PRKDC: variants seen among roughly 807,000 people sequenced by gnomAD.
The protein encoded by PRKDC is DNA-dependent protein kinase catalytic subunit.
PRKDC carries 82 observed loss-of-function variants against 486.9 expected under a neutral mutation model. The ratio of observed to expected loss-of-function variants is 0.17; its 90% CI spans 0.14 to 0.20. The LOEUF (loss-of-function observed/expected upper bound fraction) is 0.20. Ranked by LOEUF, PRKDC falls within the 10% of genes least tolerant of loss-of-function variation. The pLI, the probability that PRKDC is intolerant of heterozygous loss-of-function variation, is 1.00. For synonymous variants in PRKDC, 1,895 were observed against 1,837.0 expected, an observed-to-expected ratio of 1.03 and a Z score of -0.81; for missense variants, 4,504 against 5,038.2, an observed-to-expected ratio of 0.89 and a Z score of 3.21.
intron 40 of PRKDC, among the ~76,000 whole-genome samples, chr8:47,873,651 C>T (rs572565507): frequency 1.3e-5 from 2 of 152,260 alleles, no homozygotes; most frequent in African/African-American, 4.8e-5. Context: ...AGAAAATATA[C>T]ACAGTGGAGT....
At position 47,912,507 on chromosome 8, in the gene PRKDC, G is replaced by C; in HGVS notation, c.2837C>G (p.Thr946Arg). 1 of 1,612,496 alleles carries C rather than the reference G, an allele frequency of 6.2e-7. No individual in the cohort carries two copies. The highest frequency in any genetic ancestry group is 8.5e-7 in the Non-Finnish European group (1 of 1,179,106). ...TCCCTGTCCCCCTTCTGGCATCTGC[G>C]TGGCTTTGCCCAACATAAACATAAC... ...SMVMFMLGKA[T>R]QMPEGGQGAP... is the part of the protein sequence containing the mutation. The change falls in exon 25 of 86, where the codon ACG (threonine) becomes AGG (arginine). Residue 946 changes from threonine (T) to arginine (R), a missense_variant. By Grantham distance (71) the Thr-to-Arg change is moderately conservative (BLOSUM62 -1). Transcript: ENST00000314191.
chr8:47,778,893 A>T, intron 81 of PRKDC, 94 bp from the exon 82 acceptor site: 2 of 1,461,586 alleles, frequency 1.4e-6, no homozygotes, highest in Non-Finnish European at 1.9e-6. Context: ...AGACTCAAAT[A>T]TCGAATAATC....
chr8:47,884,677 A>G (rs969378143), intron 36 of PRKDC, among the ~76,000 whole-genome samples: 4 of 152,210 alleles, frequency 2.6e-5, no homozygotes, highest in Non-Finnish European at 4.4e-5. Context: ...ATCTACCACA[A>G]AAGATTCCCC....
chr8:47,854,247 CTG>C (rs1277278630), intron 50 of PRKDC, 33 bp from the exon 51 acceptor site: 2 of 1,606,038 alleles, frequency 1.2e-6, no homozygotes, highest in Non-Finnish European at 1.7e-6. Context: ...AAAATTGAGA[CTG>C]TTGCATAATC....
intron 59 of PRKDC, among the ~76,000 whole-genome samples, chr8:47,832,545 T>C (rs1199252890): frequency 6.6e-6 from 1 of 151,850 alleles, no homozygotes; most frequent in Non-Finnish European, 1.5e-5. Flanking sequence ...GTTCAGAGCA[T>C]GAAAAAAAGC....
At position 47,959,571 on chromosome 8, in the gene PRKDC, CG is replaced by C. The variant is rs1235361761; in HGVS notation, c.154+401del. Among the ~76,000 whole-genome samples the C allele has an allele frequency of 5.9e-5, 9 of 151,676 alleles. No homozygotes were observed. The East Asian group carries it at 1.8e-3, about 30-fold the overall frequency. On this transcript the variant is annotated intron_variant, in intron 1 of 85. Transcript: ENST00000314191. ...GCGCGCGCCTGTAATCCCAGCTACTCGGGGGGCTGAGGCAGGAGAATAGCTT... is the reference window on the plus strand; with the variant it reads ...GCGCGCGCCTGTAATCCCAGCTACTCGGGGGCTGAGGCAGGAGAATAGCTT...
intron 45 of PRKDC, among the ~76,000 whole-genome samples, chr8:47,860,363 C>G (rs1355500887): frequency 2.0e-5 from 3 of 152,142 alleles, no homozygotes; most frequent in African/African-American, 7.2e-5. Flanking sequence ...GTGCACACGA[C>G]CTAGGGCAAA....
chr8:47,864,431 C>A, intron 41 of PRKDC, 125 bp downstream of exon 41: 1 of 833,452 alleles, frequency 1.2e-6, no homozygotes. Context: ...CCCATGTAGC[C>A]ACAGACTGTT....
chr8:47,882,979 C>A (rs1474981219), intron 36 of PRKDC, among the ~76,000 whole-genome samples: 1 of 152,230 alleles, frequency 6.6e-6, no homozygotes, highest in African/African-American at 2.4e-5. Flanking sequence ...TCTTGATCTG[C>A]AATGCTGGTG....
chr8:47,898,793 T>C (rs1490138243), intron 28 of PRKDC, among the ~76,000 whole-genome samples: 5 of 152,202 alleles, frequency 3.3e-5, no homozygotes, highest in Non-Finnish European at 5.9e-5. Context: ...GATAGCATGG[T>C]GCGTGCACGC....
In PRKDC at chr8:47,888,586, C is replaced by G. The variant is rs1449271900; in HGVS notation, c.4345G>C (p.Ala1449Pro). Residue 1449 changes from alanine to proline, a missense_variant, in exon 34 of 86, where the codon GCT (alanine) becomes CCT (proline). Physicochemically the swap from Ala to Pro is conservative, Grantham distance 27 (BLOSUM62 -1). Around this residue, in one of 6 missense-constraint regions of PRKDC, gnomAD observed 1,969 missense variants for 2,068.9 expected, o/e 0.95. Coordinates refer to ENST00000314191, the MANE Select transcript of PRKDC (RefSeq NM_006904.7). ...PDAQVDRSRL[A>P]AVVSACKQLH... ...TGTTTACAGGCAGACACAACAGCAG[C>G]CAGCCTGCTCCTGTCCACTTGCGCG... The G allele has an allele frequency of 6.3e-7, 1 of 1,589,650 alleles. No homozygotes were observed.
At chr8:47,801,213 A>G (rs2087102000) in intron 70 of PRKDC, among the ~76,000 whole-genome samples, 1 of 152,098 alleles carries the variant, frequency 6.6e-6, no homozygotes, top group Admixed American at 6.6e-5. Flanking sequence ...CTGGGACTAC[A>G]GGCTTGCACC....
intron 40 of PRKDC, among the ~76,000 whole-genome samples, chr8:47,877,452 T>G (rs781662186): frequency 4.6e-5 from 7 of 152,128 alleles, no homozygotes; most frequent in Non-Finnish European, 7.4e-5. Flanking sequence ...ACAATAGCAG[T>G]AGCAAAAAAG....
chr8:47,930,551 C>T (rs1310001647), intron 17 of PRKDC, 121 bp downstream of exon 17: 5 of 965,946 alleles, frequency 5.2e-6, no homozygotes, highest in Non-Finnish European at 4.5e-6. Context: ...GGATTACAGG[C>T]GTGAGCCACC....
intron 54 of PRKDC, among the ~76,000 whole-genome samples, chr8:47,840,998 C>G (rs1268472964): frequency 6.6e-6 from 1 of 152,212 alleles, no homozygotes; most frequent in Non-Finnish European, 1.5e-5. Context: ...AGAGGCAACA[C>G]AGACACTGAG....
At chr8:47,826,910 C>A in intron 62 of PRKDC, 49 bp from the exon 63 acceptor site, 2 of 1,488,424 alleles carry the variant, frequency 1.3e-6, no homozygotes, top group East Asian at 2.5e-5. Flanking sequence ...GTACTTGGAC[C>A]ATGTCTTCAC....
intron 21 of PRKDC, among the ~76,000 whole-genome samples, chr8:47,919,729 T>C (rs1427951675): frequency 6.6e-6 from 1 of 152,008 alleles, no homozygotes; most frequent in East Asian, 1.9e-4. Flanking sequence ...AGTGGTTTTT[T>C]TTTTTTTTTT....
intron 58 of PRKDC, among the ~76,000 whole-genome samples, chr8:47,835,313 C>T (rs2087989577): frequency 6.6e-6 from 1 of 152,110 alleles, no homozygotes; most frequent in African/African-American, 2.4e-5. Flanking sequence ...CATACATATA[C>T]TGAAACTTTC....
At chr8:47,928,154 C>CTT (rs375267637) in intron 19 of PRKDC, among the ~76,000 whole-genome samples, 109 of 130,950 alleles carry the variant, frequency 8.3e-4, no homozygotes, top group African/African-American at 1.9e-3. Context: ...GCTTGAGGGA[C>CTT]TTTTTTTTTT....
Sources: allele counts gnomAD v4.1 joint callset (sites outside exome capture counted in the v4.1 genomes callset), GRCh38; gene constraint gnomAD v4.1.1; regional missense constraint gnomAD v4.1.1; transcripts MANE v1.5; gene names NCBI Gene and HGNC (gene_info 2026-07-23, HGNC 2026-07-21).